LHFPL2: variants seen among roughly 807,000 people sequenced by gnomAD.
The protein encoded by LHFPL2 is LHFPL tetraspan subfamily member 2.
Under a neutral mutation model 17.5 loss-of-function variants are expected in LHFPL2, and 7 were observed. The ratio of observed to expected loss-of-function variants is 0.40; its 90% CI spans 0.23 to 0.75. The LOEUF is 0.75. Among genes scored for constraint, LHFPL2 ranks in the 30% least tolerant of loss-of-function variants. LHFPL2 has a pLI of 0.37. For synonymous variants in LHFPL2, 134 were observed against 116.2 expected, an observed-to-expected ratio of 1.15 and a Z score of -0.99; for missense variants, 241 against 294.8, an observed-to-expected ratio of 0.82 and a Z score of 1.34.
chr5:78,615,001 A>G (rs1744549532), intron 2 of LHFPL2, among the ~76,000 whole-genome samples: 1 of 152,254 alleles, frequency 6.6e-6, no homozygotes, highest in Admixed American at 6.5e-5. Context: ...GTTTTATCTT[A>G]GCCACATTTT....
At chr5:78,495,138 G>A (rs1422951712) in intron 4 of LHFPL2, among the ~76,000 whole-genome samples, 1 of 152,232 alleles carries the variant, frequency 6.6e-6, no homozygotes, top group Non-Finnish European at 1.5e-5. Context: ...TGCATACAGT[G>A]AGTATTTCAC....
intron 2 of LHFPL2, among the ~76,000 whole-genome samples, chr5:78,602,875 G>GGTTTTGTTTT (rs58986689): frequency 0.36 from 53,335 of 149,916 alleles, 10,211 homozygotes; most frequent in Middle Eastern, 0.46. Context: ...AATGAGGTAG[G>GGTTTTGTTTT]GTTTTGTTTT....
chr5:78,492,732 G>A (rs1205525316), intron 4 of LHFPL2, among the ~76,000 whole-genome samples: 1 of 152,230 alleles, frequency 6.6e-6, no homozygotes, highest in Admixed American at 6.5e-5. Flanking sequence ...CCTGTGGAAA[G>A]CTTCAGCTTG....
intron 2 of LHFPL2, among the ~76,000 whole-genome samples, chr5:78,578,532 A>G (rs1033313789): frequency 6.6e-6 from 1 of 151,980 alleles, no homozygotes; most frequent in African/African-American, 2.4e-5. Flanking sequence ...CATTTCAAAT[A>G]GCCACATTTA....
intron 1 of LHFPL2, among the ~76,000 whole-genome samples, chr5:78,639,872 T>C (rs944633942): frequency 6.6e-6 from 1 of 152,242 alleles, no homozygotes. Context: ...GTGTGTGCCA[T>C]GCACCACTTA....
At chr5:78,514,615 A>G (rs1246369590) in intron 3 of LHFPL2, among the ~76,000 whole-genome samples, 2 of 152,162 alleles carry the variant, frequency 1.3e-5, no homozygotes, top group Non-Finnish European at 2.9e-5. Context: ...AGCCAGAACC[A>G]CCCAGTGCCC....
chr5:78,494,614 G>T, intron 4 of LHFPL2: 1 of 610,966 alleles, frequency 1.6e-6, no homozygotes, highest in Non-Finnish European at 2.0e-6. Context: ...TGGAGACAGA[G>T]CCTTGACAAC....
intron 4 of LHFPL2, among the ~76,000 whole-genome samples, chr5:78,495,803 C>T (rs952246392): frequency 6.6e-6 from 1 of 152,212 alleles, no homozygotes; most frequent in Non-Finnish European, 1.5e-5. Context: ...CCACGGAGTG[C>T]ATGCCATATG....
chr5:78,539,196 T>G (rs953127675), intron 3 of LHFPL2, among the ~76,000 whole-genome samples: 1 of 152,152 alleles, frequency 6.6e-6, no homozygotes, highest in Non-Finnish European at 1.5e-5. Flanking sequence ...CTCGGCCACG[T>G]GAAGACACAA....
chr5:78,560,761 GTTAA>G (rs1463759874), intron 3 of LHFPL2, among the ~76,000 whole-genome samples: 2 of 151,826 alleles, frequency 1.3e-5, no homozygotes, highest in Admixed American at 6.6e-5. Flanking sequence ...TCTCAAACCT[GTTAA>G]TTGTCAGACT....
intron 2 of LHFPL2, among the ~76,000 whole-genome samples, chr5:78,569,852 A>G (rs1449545874): frequency 6.6e-6 from 1 of 152,188 alleles, no homozygotes. Flanking sequence ...AAGGAAGGAG[A>G]AACTCCTTGA....
At chr5:78,540,803 T>G (rs2112374977) in intron 3 of LHFPL2, among the ~76,000 whole-genome samples, 1 of 152,328 alleles carries the variant, frequency 6.6e-6, no homozygotes, top group Admixed American at 6.5e-5. Context: ...GGGGCTGGTT[T>G]GGAATGAGCT....
chr5:78,635,609 T>C (rs946863191), intron 1 of LHFPL2, among the ~76,000 whole-genome samples: 5 of 152,198 alleles, frequency 3.3e-5, no homozygotes, highest in African/African-American at 1.2e-4. Flanking sequence ...GAGACCATCC[T>C]GGCTAACACG....
chr5:78,615,572 C>A (rs1744572681), intron 2 of LHFPL2, among the ~76,000 whole-genome samples: 1 of 152,162 alleles, frequency 6.6e-6, no homozygotes, highest in Non-Finnish European at 1.5e-5. Flanking sequence ...CACAAGATTT[C>A]CAATTAACTT....
intron 2 of LHFPL2, among the ~76,000 whole-genome samples, chr5:78,580,407 T>C (rs919264351): frequency 6.6e-6 from 1 of 152,082 alleles, no homozygotes; most frequent in African/African-American, 2.4e-5. Context: ...GTTTTAGACA[T>C]GAAGTCCTTG....
intron 3 of LHFPL2, among the ~76,000 whole-genome samples, chr5:78,563,251 A>T (rs533776023): frequency 6.6e-6 from 1 of 152,334 alleles, no homozygotes; most frequent in African/African-American, 2.4e-5. Flanking sequence ...CAAACTTTAA[A>T]CAGGTTTATG....
At position 78,510,152 on chromosome 5, in the gene LHFPL2, GCCA is replaced by G; in HGVS notation, c.59_61del (p.Val20del). ...CATGAAGGCAATGAGCTCGGCAAAA[GCCA>G]CCACAATACTCAGCAAGGTCCAGAG... is the stretch of plus-strand genomic sequence containing the variant. On this transcript the variant is annotated inframe_deletion, in exon 4 of 5. Coordinates refer to ENST00000380345, the MANE Select transcript of LHFPL2 (RefSeq NM_005779.3). 6.2e-7 allele frequency: 1 copy of G among 1,612,806 alleles called. No individual in the cohort carries two copies. Among genetic ancestry groups the G allele is most frequent in the Non-Finnish European group, 8.5e-7 (1 of 1,179,198 alleles).
chr5:78,578,893 G>A (rs540649648), intron 2 of LHFPL2, among the ~76,000 whole-genome samples: 4 of 152,274 alleles, frequency 2.6e-5, no homozygotes, highest in Non-Finnish European at 5.9e-5. Context: ...TATCAGCAAC[G>A]TAGGTGAGCA....
chr5:78,533,119 T>C (rs995255689), intron 3 of LHFPL2, among the ~76,000 whole-genome samples: 7 of 152,220 alleles, frequency 4.6e-5, no homozygotes, highest in African/African-American at 7.2e-5. Context: ...AAGGATTTAC[T>C]GCTCTACGGG....
Sources: gnomAD v4.1 joint callset for allele counts (sites outside exome capture counted in the v4.1 genomes callset) on GRCh38, gnomAD v4.1.1 for gene constraint, MANE v1.5 for transcripts, NCBI Gene and HGNC (gene_info 2026-07-23, HGNC 2026-07-21) for gene names.